CDH3: variants seen among roughly 807,000 people sequenced by gnomAD.
CDH3 encodes cadherin 3.
CDH3 carries 54 observed loss-of-function variants against 82.0 expected under a neutral mutation model. The observed-to-expected ratio is 0.66, with a 90% CI of 0.53 to 0.83. The LOEUF (loss-of-function observed/expected upper bound fraction) is 0.83. Ranked by LOEUF, CDH3 falls within the 40% of genes least tolerant of loss-of-function variation. The pLI is 0.00. For synonymous variants in CDH3, 446 were observed against 437.9 expected, an observed-to-expected ratio of 1.02 and a Z score of -0.23; for missense variants, 1,054 against 1,084.6, an observed-to-expected ratio of 0.97 and a Z score of 0.40.
intron 2 of CDH3, chr16:68,722,696 G>A (rs981081875): frequency 6.6e-6 from 1 of 152,224 alleles, no homozygotes; most frequent in African/African-American, 2.4e-5. Flanking sequence ...CAGAGACCCA[G>A]GATCCCAGAC....
chr16:68,684,485 C>T (rs1961341444), intron 9 of CDH3, 98 bp from the exon 10 acceptor site: 1 of 1,409,316 alleles, frequency 7.1e-7, no homozygotes, highest in Admixed American at 1.7e-5. Flanking sequence ...GGCCTCAAGC[C>T]CCTCAGTATT....
At position 68,684,777 on chromosome 16, in the gene CDH3, G is replaced by C; in HGVS notation, c.1377G>C (p.Val459=). ...VQEGIPTGEP[V]CVYTAEDPDK... ...AGGGCATCCCCACTGGGGAGCCTGTGTGTGTCTACACTGCAGAAGACCCTG... is the reference window on the plus strand; with the variant it reads ...AGGGCATCCCCACTGGGGAGCCTGTCTGTGTCTACACTGCAGAAGACCCTG... The change falls in exon 10 of 16, where the codon GTG becomes GTC. Residue 459 remains valine, a synonymous_variant. Coordinates refer to ENST00000264012, the MANE Select transcript of CDH3 (RefSeq NM_001793.6). The C allele has an allele frequency of 6.2e-7, 1 of 1,614,196 alleles. No individual in the cohort carries two copies. The highest frequency in any genetic ancestry group is 1.3e-5 in the African/African-American group (1 of 75,062).
chr16:68,670,232 A>G (rs1481083659), intron 2 of CDH3, among the ~76,000 whole-genome samples: 1 of 151,568 alleles, frequency 6.6e-6, no homozygotes, highest in Non-Finnish European at 1.5e-5. Context: ...TCAAAAAAAA[A>G]AAAAAAAAAA....
At chr16:68,694,312 CAAAA>C (rs1162877121) in intron 13 of CDH3, among the ~76,000 whole-genome samples, 8 of 74,710 alleles carry the variant, frequency 1.1e-4, no homozygotes, top group East Asian at 3.8e-4. Flanking sequence ...GACTCCCTCT[CAAAA>C]AAAAAAAAAA....
chr16:68,730,135 A>G (rs1483031929), downstream of CDH3, among the ~76,000 whole-genome samples: 2 of 151,870 alleles, frequency 1.3e-5, no homozygotes, highest in African/African-American at 4.8e-5. Context: ...CAGGAGGCTG[A>G]GGCAGGAGGA....
chr16:68,691,533 C>T lies in CDH3; in HGVS notation c.1796-187C>T, dbSNP rs114727967. ...AATTAATTTTTCTATCCCAATAATC[C>T]TTTTCATTATGGTGAATTTTGCTTT... On this transcript the variant is annotated intron_variant, in intron 12 of 15. Transcript: ENST00000264012. 7.3e-3 allele frequency among the ~76,000 whole-genome samples: 1,107 copies of T among 152,058 alleles called. 14 individuals carry two copies. The highest frequency in any genetic ancestry group is 0.025 in the African/African-American group (1,056 of 41,468).
At chr16:68,716,320 A>C (rs1962094497) in intron 1 of CDH3, among the ~76,000 whole-genome samples, 1 of 151,762 alleles carries the variant, frequency 6.6e-6, no homozygotes, top group East Asian at 1.9e-4. Context: ...TCATACTGAC[A>C]TTAAAGTGCT....
rs1009331646 is a variant in CDH3 at position 68,645,327 on chromosome 16, G to A, written c.-53G>A. 1.3e-6 allele frequency: 2 copies of A among 1,590,380 alleles called. No homozygotes were observed. Among genetic ancestry groups the A allele is most frequent in the South Asian group, 2.2e-5 (2 of 89,740 alleles). On this transcript the variant is annotated 5_prime_UTR_variant, in exon 1 of 16. Coordinates refer to ENST00000264012, the MANE Select transcript of CDH3 (RefSeq NM_001793.6). ...CGGTGCTCAAAGGGGCAAGAGCTGA[G>A]CGGAACACCGGCCCGCCGTCGCGGC...
intron 9 of CDH3, among the ~76,000 whole-genome samples, chr16:68,682,883 C>G (rs1450455305): frequency 1.3e-5 from 2 of 152,160 alleles, no homozygotes; most frequent in Admixed American, 6.5e-5. Flanking sequence ...ACACTCTTGC[C>G]TCTCAAAAAG....
At chr16:68,684,491 G>A in intron 9 of CDH3, 92 bp from the exon 10 acceptor site, 5 of 1,462,232 alleles carry the variant, frequency 3.4e-6, no homozygotes, top group Non-Finnish European at 4.8e-6. Context: ...AAGCCCCTCA[G>A]TATTGGTGTT....
intron 2 of CDH3, among the ~76,000 whole-genome samples, chr16:68,658,057 TC>T (rs1567438987): frequency 6.8e-6 from 1 of 147,588 alleles, no homozygotes; most frequent in Non-Finnish European, 1.5e-5. Context: ...CCAGTCTTTT[TC>T]TTTCTTTTTT....
rs994544558 is a variant in CDH3, at chr16:68,683,866, G to A, written c.1183-717G>A. On this transcript the variant is annotated intron_variant, in intron 9 of 15. Transcript: ENST00000264012. ...ACAGATCACCTGAGGTTGGGAGTTC[G>A]AGACCAGCCTGGCCATCGTGGTGAA... Among the ~76,000 whole-genome samples, 37 of 150,594 alleles carry A rather than the reference G, an allele frequency of 2.5e-4. 1 individual carries two copies. The highest frequency in any genetic ancestry group is 8.1e-4 in the African/African-American group (33 of 40,914).
downstream of CDH3, among the ~76,000 whole-genome samples, chr16:68,731,117 T>C (rs1792271852): frequency 8.2e-6 from 1 of 121,374 alleles, no homozygotes; most frequent in South Asian, 2.5e-4. Flanking sequence ...ACATATATAA[T>C]TATAAAAAAT....
downstream of CDH3, among the ~76,000 whole-genome samples, chr16:68,727,772 G>A (rs1340459819): frequency 1.3e-5 from 2 of 152,078 alleles, no homozygotes. Flanking sequence ...AGCCAGGCGT[G>A]GTAGTGCATG....
intron 2 of CDH3, among the ~76,000 whole-genome samples, chr16:68,650,505 T>C (rs1350798289): frequency 6.6e-6 from 1 of 152,172 alleles, no homozygotes; most frequent in Non-Finnish European, 1.5e-5. Context: ...TTTATCATGT[T>C]GGTCAGGCTG....
At position 68,678,235 on chromosome 16, in the gene CDH3, C is replaced by T. The variant is rs1469905096; in HGVS notation, c.348C>T (p.Val116=). ...ATTGGGTGGTTGCTCCAATATCTGT[C>T]CCTGAAAATGGCAAGGGTCCCTTCC... ...KRDWVVAPIS[V]PENGKGPFPQ... is the part of the protein sequence containing the mutation. The change falls in exon 4 of 16, where the codon GTC becomes GTT. Residue 116 remains valine (V), a synonymous_variant. Coordinates refer to ENST00000264012, the MANE Select transcript of CDH3 (RefSeq NM_001793.6). 3 of 1,613,972 alleles carry T rather than the reference C, an allele frequency of 1.9e-6. No homozygotes were observed. The highest frequency in any genetic ancestry group is 1.3e-5 in the African/African-American group (1 of 74,916).
rs112671119 is a variant in CDH3 at position 68,707,549 on chromosome 16, C to T, written c.99+11626C>T. On this transcript the variant is annotated intron_variant, in intron 1 of 2. Coordinates refer to the CDH3 transcript ENST00000569080. This position sits in a 1 kb window ranked among gnomAD's most constrained non-coding sequence, Gnocchi z 4.5. Reference sequence around the variant, plus strand: ...GGGAACCGGGGAGCCTGTCTGAGAGCGCCCTGTAGTCTGGTAGGGCGGTGG... The same window carrying T: ...GGGAACCGGGGAGCCTGTCTGAGAGTGCCCTGTAGTCTGGTAGGGCGGTGG... 2.0e-5 allele frequency among the ~76,000 whole-genome samples: 3 copies of T among 152,142 alleles called. No individual in the cohort carries two copies. Among genetic ancestry groups the T allele is most frequent in the East Asian group, 3.9e-4 (2 of 5,188 alleles).
chr16:68,717,051 G>A lies in CDH3; in HGVS notation c.100-5374G>A, dbSNP rs62057808. ...CCTGGCCAATAAAATACAATTATAT[G>A]TTTTTGTCTGAAGAGACAAAGGTTG... On this transcript the variant is annotated intron_variant, in intron 1 of 2. Coordinates refer to the CDH3 transcript ENST00000569080. Among the ~76,000 whole-genome samples, 845 of 152,128 alleles carry A rather than the reference G, an allele frequency of 5.6e-3. 9 individuals carry two copies. The highest frequency in any genetic ancestry group is 0.02 in the Middle Eastern group (6 of 294).
In CDH3 at chr16:68,698,713, G is replaced by A; in HGVS notation, c.*313G>A. The A allele has an allele frequency of 2.5e-6, 1 of 402,064 alleles. No homozygotes were observed. Among genetic ancestry groups the A allele is most frequent in the Non-Finnish European group, 4.5e-6 (1 of 220,742 alleles). The allele number at this position is 402,064 out of a possible 1,614,324, so 24.9% of individuals were successfully genotyped here. A position where few individuals can be genotyped will look rare whatever the true frequency, so the allele number is the denominator to read the frequency against. ...TGTGTCCTGGGCCTGGGCCTGCTGT[G>A]ACTGACCTACAGTGGACTTTCTCTC... is the stretch of plus-strand genomic sequence containing the variant. On this transcript the variant is annotated 3_prime_UTR_variant, in exon 16 of 16. Coordinates refer to ENST00000264012, the MANE Select transcript of CDH3 (RefSeq NM_001793.6).
Sources: gnomAD v4.1 joint callset for allele counts (sites outside exome capture counted in the v4.1 genomes callset) on GRCh38, gnomAD v4.1.1 for gene constraint, Gnocchi (gnomAD v3.1) non-coding constraint, MANE v1.5 for transcripts, NCBI Gene and HGNC (gene_info 2026-07-23, HGNC 2026-07-21) for gene names.